SYT3: variants seen among roughly 807,000 people sequenced by gnomAD.
SYT3 encodes synaptotagmin-3.
A neutral mutation model predicts 50.6 loss-of-function variants in SYT3; 25 were observed. The observed-to-expected ratio is 0.49, with a 90% CI of 0.36 to 0.69. The LOEUF is 0.69. Ranked by LOEUF, SYT3 falls within the 30% of genes least tolerant of loss-of-function variation. SYT3 has a pLI of 0.00. For missense variants in SYT3, 589 were observed against 793.6 expected, an observed-to-expected ratio of 0.74 and a Z score of 3.10; for synonymous variants, 323 against 353.9, an observed-to-expected ratio of 0.91 and a Z score of 0.98.
chr19:50,649,782 G>T, the SYT3 span: 1 of 580,640 alleles, frequency 1.7e-6, no homozygotes, highest in East Asian at 3.8e-5. Context: ...CACCTCTGAG[G>T]CCATTCTTCT....
the SYT3 span, among the ~76,000 whole-genome samples, chr19:50,646,899 C>T: frequency 6.6e-6 from 1 of 151,974 alleles, no homozygotes; most frequent in Non-Finnish European, 1.5e-5. Flanking sequence ...GGCGCGATCT[C>T]GGCTCACTGC....
rs569101828 is a variant in SYT3, at chr19:50,625,206, C to T, written c.1663G>A (p.Ala555Thr). The part of the protein sequence containing the change: ...HGREHWAEML[A>T]NPRKPVEHWH... ...TGCTCCACGGGCTTGCGGGGATTGG[C>T]CAGCATCTCTGCCCAGTGCTCGCGG... Residue 555 changes from alanine to threonine, a missense_variant, in exon 9 of 11, where the codon GCC becomes ACC. Ala to Thr is a moderately conservative substitution (Grantham distance 58). Transcript: ENST00000600079. This position sits in a 1 kb window ranked among gnomAD's most constrained non-coding sequence, Gnocchi z 7.5. 2.4e-5 allele frequency: 38 copies of T among 1,601,914 alleles called. No homozygotes were observed. The African/African-American group carries it at 3.3e-4, about 14-fold the overall frequency.
At chr19:50,624,506 A>G (rs1029597449) in intron 9 of SYT3, among the ~76,000 whole-genome samples, 4 of 150,954 alleles carry the variant, frequency 2.6e-5, no homozygotes, top group African/African-American at 9.7e-5. Context: ...TATTGAGAGA[A>G]TGGCCATGTT....
rs1300110593 is a variant in SYT3, at chr19:50,639,831, G to A, written c.-195C>T. The A allele has an allele frequency of 6.3e-6, 1 of 157,680 alleles. No homozygotes were observed. The highest frequency in any genetic ancestry group is 1.4e-5 in the Non-Finnish European group (1 of 73,846). 9.8% of individuals were successfully genotyped at this position (157,680 alleles called of 1,614,324 possible). ...CGCCGCTGCCGCCGCCGCCGCCGCC[G>A]CAGCCCCGCGCGCCAGCCGCGGTGC... On this transcript the variant is annotated 5_prime_UTR_variant, in exon 1 of 11. Coordinates refer to ENST00000600079, the MANE Select transcript of SYT3 (RefSeq NM_001160329.2). This position sits in a 1 kb window ranked among gnomAD's most constrained non-coding sequence, Gnocchi z 4.6.
Position 50,625,773 on chromosome 19 carries a change from C to G in SYT3, c.1402+124G>C. The G allele has an allele frequency of 1.6e-6, 1 of 624,076 alleles. No individual in the cohort carries two copies. The highest frequency in any genetic ancestry group is 2.2e-5 in the African/African-American group (1 of 46,484). 38.7% of individuals were successfully genotyped at this position (624,076 alleles called of 1,614,324 possible). On this transcript the variant is annotated intron_variant, in intron 7 of 10. Transcript: ENST00000600079. This position sits in a 1 kb window ranked among gnomAD's most constrained non-coding sequence, Gnocchi z 7.5. ...GGCCCCTGGCCCCTCCTCCCTCAGA[C>G]CCAGGAGTCCAGATCCCCAGCTCCT... is the stretch of plus-strand genomic sequence containing the variant.
In SYT3 at chr19:50,622,475, G is replaced by C; in HGVS notation, c.*10C>G. On this transcript the variant is annotated 3_prime_UTR_variant, in exon 11 of 11. Transcript: ENST00000600079. Reference sequence around the variant, plus strand: ...GAGCCTGGTCCGATCCCGGGCCTAGGCCAGACCTGCACGATGGAGCAGGAA... The same window carrying C: ...GAGCCTGGTCCGATCCCGGGCCTAGCCCAGACCTGCACGATGGAGCAGGAA... The C allele has an allele frequency of 2.0e-6, 1 of 508,566 alleles. No individual in the cohort carries two copies. Among genetic ancestry groups the C allele is most frequent in the Non-Finnish European group, 3.7e-6 (1 of 271,718 alleles). The allele number at this position is 508,566 out of a possible 1,614,324, so 31.5% of individuals were successfully genotyped here.
rs778923172 is a variant in SYT3 at position 50,630,072 on chromosome 19, A to G, written c.774T>C (p.Pro258=). ...TGAGTTTGGCTTTTTCCTCGCCTCCAGGCAGGGGTAAGGGCAGGGCAGGTG... is the reference window on the plus strand; with the variant it reads ...TGAGTTTGGCTTTTTCCTCGCCTCCGGGCAGGGGTAAGGGCAGGGCAGGTG... ...ERPPALPLPL[P]GGEEKAKLIG... is the part of the protein sequence containing the mutation. The change falls in exon 5 of 11, where the codon CCT becomes CCC. Residue 258 remains proline (P), a synonymous_variant. Coordinates refer to ENST00000600079, the MANE Select transcript of SYT3 (RefSeq NM_001160329.2). 2 of 1,613,590 alleles carry G rather than the reference A, an allele frequency of 1.2e-6. No homozygotes were observed. The highest frequency in any genetic ancestry group is 3.3e-5 in the Admixed American group (2 of 59,980).
chr19:50,627,716 G>A (rs1984126452), intron 6 of SYT3, among the ~76,000 whole-genome samples: 2 of 114,100 alleles, frequency 1.8e-5, no homozygotes, highest in Non-Finnish European at 1.7e-5. Flanking sequence ...GACAGAGAGA[G>A]ACTCTGTCTC....
Position 50,625,772 on chromosome 19 carries a change from ACCC to A in SYT3, c.1402+122_1402+124del. On this transcript the variant is annotated intron_variant, in intron 7 of 10. Coordinates refer to ENST00000600079, the MANE Select transcript of SYT3 (RefSeq NM_001160329.2). The surrounding 1 kb of genome is among the most constrained non-coding windows in gnomAD (Gnocchi z 7.5). ...AGGCCCCTGGCCCCTCCTCCCTCAG[ACCC>A]AGGAGTCCAGATCCCCAGCTCCTCC... 15 of 416,940 alleles carry A rather than the reference ACCC, an allele frequency of 3.6e-5. 3 individuals carry two copies. Among genetic ancestry groups the A allele is most frequent in the South Asian group, 1.4e-4 (5 of 35,900 alleles). The allele number at this position is 416,940 out of a possible 1,614,324, so 25.8% of individuals were successfully genotyped here. A position where few individuals can be genotyped will look rare whatever the true frequency, so the allele number is the denominator to read the frequency against.
At chr19:50,642,586 C>A (rs943379356), upstream of SYT3, among the ~76,000 whole-genome samples, 14 of 152,222 alleles carry the variant, frequency 9.2e-5, no homozygotes, top group African/African-American at 3.4e-4. Flanking sequence ...GTAATCCCAG[C>A]ACTTTGGGAG....
chr19:50,626,584 G>C (rs1476741240), intron 6 of SYT3, among the ~76,000 whole-genome samples: 1 of 148,912 alleles, frequency 6.7e-6, no homozygotes, highest in Non-Finnish European at 1.5e-5. Context: ...GAGGAGGACA[G>C]AGGCCCAGAA....
At chr19:50,652,232 G>A in the SYT3 span, among the ~76,000 whole-genome samples, 1 of 151,964 alleles carries the variant, frequency 6.6e-6, no homozygotes, top group Non-Finnish European at 1.5e-5. Flanking sequence ...TTTTATAGTT[G>A]GCTTGTTTAA....
rs1008512890 is a variant in SYT3 at position 50,637,368 on chromosome 19, A to G, written c.44T>C (p.Ile15Thr). The change falls in exon 3 of 11, where the codon ATC becomes ACC. Residue 15 changes from isoleucine (I) to threonine (T), a missense_variant. Coordinates refer to ENST00000600079, the MANE Select transcript of SYT3 (RefSeq NM_001160329.2). The surrounding 1 kb of genome is among the most constrained non-coding windows in gnomAD (Gnocchi z 4.9). ...YEDDLCRRAL[I>T]LVSDLCARVR... is the part of the protein sequence containing the mutation. ...CCGCGCACAGAGGTCCGAGACCAGG[A>G]TGAGTGCCCGCCGGCAGAGGTCATC... The G allele has an allele frequency of 6.8e-6, 11 of 1,610,532 alleles. No individual in the cohort carries two copies. Among genetic ancestry groups the G allele is most frequent in the Admixed American group, 1.7e-5 (1 of 59,960 alleles).
At chr19:50,641,421 G>A (rs935051571), upstream of SYT3, among the ~76,000 whole-genome samples, 6 of 150,358 alleles carry the variant, frequency 4.0e-5, no homozygotes, top group Admixed American at 1.3e-4. Flanking sequence ...CACCCGCCTC[G>A]GCCTCCCAAA....
chr19:50,648,974 G>A, the SYT3 span, among the ~76,000 whole-genome samples: 2 of 151,666 alleles, frequency 1.3e-5, no homozygotes, highest in Admixed American at 6.6e-5. Context: ...GGCAGAAAAC[G>A]ATGAAGACAA....
At chr19:50,629,169 A>T in intron 6 of SYT3, 125 bp downstream of exon 6, 1 of 781,700 alleles carries the variant, frequency 1.3e-6, no homozygotes, top group Non-Finnish European at 2.0e-6. Flanking sequence ...CCAGTGTGAT[A>T]CATTTTAACA....
chr19:50,655,956 G>A, the SYT3 span: 24 of 1,184,108 alleles, frequency 2.0e-5, no homozygotes, highest in South Asian at 5.2e-5. Context: ...GCTATTCTGG[G>A]TGTGGCATGG....
chr19:50,632,147 C>A lies in SYT3; in HGVS notation c.674+139G>T. 1.0e-6 allele frequency: 1 copy of A among 1,000,230 alleles called. No homozygotes were observed. The highest frequency in any genetic ancestry group is 1.4e-6 in the Non-Finnish European group (1 of 698,456). The allele number at this position is 1,000,230 out of a possible 1,614,324, so 62.0% of individuals were successfully genotyped here. A position where few individuals can be genotyped will look rare whatever the true frequency, so the allele number is the denominator to read the frequency against. On this transcript the variant is annotated intron_variant, in intron 4 of 10. Transcript: ENST00000600079. The surrounding 1 kb of genome is among the most constrained non-coding windows in gnomAD (Gnocchi z 4.7). ...AGATCCAGGAGTCTAGGGCCCCAGCCTCCTCTTTCCCTAAGATCCAGGAGT... is the reference window on the plus strand; with the variant it reads ...AGATCCAGGAGTCTAGGGCCCCAGCATCCTCTTTCCCTAAGATCCAGGAGT...
the SYT3 span, chr19:50,649,831 C>G: frequency 2.0e-6 from 1 of 504,280 alleles, no homozygotes; most frequent in Non-Finnish European, 3.9e-6. Context: ...ACCCTGAGCT[C>G]AGCATCTTCC....
Sources: allele counts gnomAD v4.1 joint callset (sites outside exome capture counted in the v4.1 genomes callset), GRCh38; gene constraint gnomAD v4.1.1; non-coding constraint Gnocchi (gnomAD v3.1); transcripts MANE v1.5; gene names NCBI Gene and HGNC (gene_info 2026-07-23, HGNC 2026-07-21).